Variants in BCHE observed in about 807,000 individuals in gnomAD.
The protein encoded by BCHE is butyrylcholinesterase.
A neutral mutation model predicts 51.3 loss-of-function variants in BCHE; 48 were observed. The ratio of observed to expected loss-of-function variants is 0.94; its 90% confidence interval spans 0.74 to 1.19. The LOEUF is 1.19. Ranked by LOEUF, BCHE falls within the 50% of genes most tolerant of loss-of-function variation. The pLI, the probability that BCHE is intolerant of heterozygous loss-of-function variation, is 0.00. For missense variants in BCHE, 847 were observed against 708.2 expected, an observed-to-expected ratio of 1.20 and a Z score of -2.23; for synonymous variants, 251 against 238.0, an observed-to-expected ratio of 1.05 and a Z score of -0.50.
At chr3:165,820,259 G>T (rs919183703) in intron 2 of BCHE, among the ~76,000 whole-genome samples, 19 of 151,916 alleles carry the variant, frequency 1.3e-4, no homozygotes, top group African/African-American at 4.1e-4. Context: ...AAATATTGCT[G>T]CACTCTGAAA....
At position 165,830,120 on chromosome 3, in the gene BCHE, G is replaced by A. The variant is rs1176773753; in HGVS notation, c.914C>T (p.Ala305Val). The change falls in exon 2 of 4, where the codon GCA (alanine) becomes GTA (valine). Residue 305 changes from alanine (A) to valine (V), a missense_variant. By Grantham distance (64) the Ala-to-Val change is moderately conservative. Coordinates refer to ENST00000264381, the MANE Select transcript of BCHE (RefSeq NM_000055.4). The part of the protein sequence containing the change: ...KDPQEILLNE[A>V]FVVPYGTPLS... ...AGGAGTCCCATAGGGGACAACAAAT[G>A]CTTCATTCAGAAGAATTTCTTGGGG... The A allele has an allele frequency of 6.2e-7, 1 of 1,613,830 alleles. No homozygotes were observed. Among genetic ancestry groups the A allele is most frequent in the East Asian group, 2.2e-5 (1 of 44,860 alleles).
At position 165,773,408 on chromosome 3, in the gene BCHE, T is replaced by C. The variant is rs1273485946; in HGVS notation, c.1783A>G (p.Lys595Glu). 2 of 1,611,006 alleles carry C rather than the reference T, an allele frequency of 1.2e-6. No individual in the cohort carries two copies. The highest frequency in any genetic ancestry group is 1.7e-5 in the Admixed American group (1 of 59,906). ...WKNQFNDYTSKKESCVGL is the reference protein window; with the variant it reads ...WKNQFNDYTSEKESCVGL ...TAGAGACCCACACAACTTTCTTTCTTGCTAGTGTAATCGTTAAATTGATTT... is the reference window on the plus strand; with the variant it reads ...TAGAGACCCACACAACTTTCTTTCTCGCTAGTGTAATCGTTAAATTGATTT... The change falls in exon 4 of 4, where the codon AAG becomes GAG. Residue 595 changes from lysine (K) to glutamate (E), a missense_variant. Coordinates refer to ENST00000264381, the MANE Select transcript of BCHE (RefSeq NM_000055.4).
At chr3:165,828,084 G>A (rs1714800726) in intron 2 of BCHE, 1 of 455,592 alleles carries the variant, frequency 2.2e-6, no homozygotes, top group South Asian at 1.6e-5. Flanking sequence ...CAATGAAAGA[G>A]GAAATAGACA....
chr3:165,824,337 A>G (rs1029217260), intron 2 of BCHE, among the ~76,000 whole-genome samples: 1 of 152,034 alleles, frequency 6.6e-6, no homozygotes, highest in African/African-American at 2.4e-5. Context: ...TTTCAATAGA[A>G]GCAGAAAGAG....
At chr3:165,805,337 A>G (rs1336959017) in intron 2 of BCHE, among the ~76,000 whole-genome samples, 1 of 152,156 alleles carries the variant, frequency 6.6e-6, no homozygotes, top group Non-Finnish European at 1.5e-5. Flanking sequence ...ATAAGTTGAA[A>G]CTGCAGTTAG....
chr3:165,829,262 A>G (rs1402416974), intron 2 of BCHE, among the ~76,000 whole-genome samples: 8 of 152,164 alleles, frequency 5.3e-5, no homozygotes, highest in Admixed American at 4.6e-4. Flanking sequence ...AACATTGTTG[A>G]AATACTTTGA....
At chr3:165,791,948 A>AAAAATAAAAT (rs59363319) in intron 2 of BCHE, among the ~76,000 whole-genome samples, 4,500 of 135,558 alleles carry the variant, frequency 0.033, 132 homozygotes, top group African/African-American at 0.074. Flanking sequence ...CTCCATCTCA[A>AAAAATAAAAT]AAAATAAAAT....
Position 165,830,369 on chromosome 3 carries a change from A to C in BCHE, c.665T>G (p.Leu222Arg), listed in dbSNP as rs764841347. The change falls in exon 2 of 4, where the codon CTC becomes CGC. Residue 222 changes from leucine (L) to arginine (R), a missense_variant. Coordinates refer to ENST00000264381, the MANE Select transcript of BCHE (RefSeq NM_000055.4). ...AGCTGCTCCTGCACTTTCTCCAAAG[A>C]GAGTTACACTTTTAGGATTTCCACC... ...AFGGNPKSVT[L>R]FGESAGAASV... The C allele has an allele frequency of 6.2e-7, 1 of 1,614,018 alleles. No homozygotes were observed. Among genetic ancestry groups the C allele is most frequent in the South Asian group, 1.1e-5 (1 of 91,086 alleles).
At chr3:165,792,013 G>A (rs1273375999) in intron 2 of BCHE, among the ~76,000 whole-genome samples, 2 of 143,792 alleles carry the variant, frequency 1.4e-5, no homozygotes, top group African/African-American at 2.8e-5. Flanking sequence ...TTAAGTTCAC[G>A]TGTTAAATTT....
At chr3:165,777,907 T>C (rs867826819) in intron 3 of BCHE, 11 of 279,492 alleles carry the variant, frequency 3.9e-5, no homozygotes, top group South Asian at 3.7e-4. Flanking sequence ...TACACTAGCT[T>C]ACTTTATTAT....
chr3:165,823,465 G>A (rs760905701), intron 2 of BCHE, among the ~76,000 whole-genome samples: 1 of 151,946 alleles, frequency 6.6e-6, no homozygotes, highest in Non-Finnish European at 1.5e-5. Context: ...TCAGAAACTG[G>A]ATAATGGGCA....
intron 3 of BCHE, among the ~76,000 whole-genome samples, chr3:165,783,033 A>G (rs1712768120): frequency 6.6e-6 from 1 of 152,124 alleles, no homozygotes; most frequent in Admixed American, 6.6e-5. Context: ...GCAAAGGTGA[A>G]TTAACCCACA....
Position 165,837,402 on chromosome 3 carries a change from A to G in BCHE, c.-97T>C, listed in dbSNP as rs776506432. On this transcript the variant is annotated 5_prime_UTR_variant, in exon 1 of 4. Transcript: ENST00000264381. Reference sequence around the variant, plus strand: ...AAATGCAGGATGCAGCTGCTGCTCCAGCCTGTAAATTGGACTGCACTGACA... The same window carrying G: ...AAATGCAGGATGCAGCTGCTGCTCCGGCCTGTAAATTGGACTGCACTGACA... 1 of 1,289,784 alleles carries G rather than the reference A, an allele frequency of 7.8e-7. No homozygotes were observed. The highest frequency in any genetic ancestry group is 1.2e-5 in the South Asian group (1 of 81,032). 79.9% of individuals were successfully genotyped at this position (1,289,784 alleles called of 1,614,324 possible).
intron 3 of BCHE, chr3:165,778,550 T>G: frequency 6.2e-6 from 2 of 321,774 alleles, no homozygotes; most frequent in Admixed American, 6.1e-5. Flanking sequence ...CTCTGGTTCC[T>G]GCTTATCTGG....
chr3:165,782,929 C>T (rs1712764563), intron 3 of BCHE, among the ~76,000 whole-genome samples: 1 of 151,912 alleles, frequency 6.6e-6, no homozygotes, highest in Non-Finnish European at 1.5e-5. Context: ...CCTCCCGCAA[C>T]GATTCACCTT....
At chr3:165,835,596 CT>C (rs1288129797) in intron 1 of BCHE, among the ~76,000 whole-genome samples, 1 of 151,784 alleles carries the variant, frequency 6.6e-6, no homozygotes, top group African/African-American at 2.4e-5. Flanking sequence ...TTATATCAAA[CT>C]TAAAAAGCTT....
chr3:165,823,720 T>C (rs899275914), intron 2 of BCHE, among the ~76,000 whole-genome samples: 12 of 151,850 alleles, frequency 7.9e-5, no homozygotes, highest in Non-Finnish European at 1.2e-4. Flanking sequence ...ATCCCAATGG[T>C]TTGCAAACTA....
intron 2 of BCHE, among the ~76,000 whole-genome samples, chr3:165,801,000 A>G (rs1713619518): frequency 6.6e-6 from 1 of 152,234 alleles, no homozygotes; most frequent in African/African-American, 2.4e-5. Flanking sequence ...CTATTGAGTC[A>G]TAGAAAGGAG....
At chr3:165,796,068 A>G (rs1177315316) in intron 2 of BCHE, among the ~76,000 whole-genome samples, 1 of 152,104 alleles carries the variant, frequency 6.6e-6, no homozygotes, top group African/African-American at 2.4e-5. Context: ...AATAAAAAAG[A>G]AGACTTATTT....
Sources: gnomAD v4.1 joint callset for allele counts (sites outside exome capture counted in the v4.1 genomes callset) on GRCh38, gnomAD v4.1.1 for gene constraint, MANE v1.5 for transcripts, NCBI Gene and HGNC (gene_info 2026-07-23, HGNC 2026-07-21) for gene names.